SENP1: variants seen among roughly 807,000 people sequenced by gnomAD.
SENP1 encodes the protein sentrin-specific protease 1.
SENP1 carries 21 observed loss-of-function variants against 93.0 expected under a neutral mutation model. The ratio of observed to expected loss-of-function variants is 0.23; its 90% CI spans 0.16 to 0.33. The LOEUF (loss-of-function observed/expected upper bound fraction) is 0.33, where lower values mean the gene tolerates loss of function less well. SENP1 is among the 10% of genes least tolerant of loss of function. The pLI, the probability that SENP1 is intolerant of heterozygous loss-of-function variation, is 1.00. For missense variants in SENP1, 591 were observed against 758.7 expected, an observed-to-expected ratio of 0.78 and a Z score of 2.60; for synonymous variants, 256 against 259.6, an observed-to-expected ratio of 0.99 and a Z score of 0.13.
At chr12:48,086,981 G>T (rs997618880) in intron 5 of SENP1, among the ~76,000 whole-genome samples, 4 of 151,848 alleles carry the variant, frequency 2.6e-5, no homozygotes, top group Non-Finnish European at 5.9e-5. Context: ...GGAGGTTGCA[G>T]TGAGCCGAGA....
rs1400817396 is a variant in SENP1, at chr12:48,058,345, A to T, written c.1407+5365T>A. Among the ~76,000 whole-genome samples, 5 of 152,166 alleles carry T rather than the reference A, an allele frequency of 3.3e-5. 1 individual carries two copies. The highest frequency in any genetic ancestry group is 3.3e-4 in the Admixed American group (5 of 15,282). On this transcript the variant is annotated intron_variant, in intron 13 of 17. Coordinates refer to ENST00000549518, the MANE Select transcript of SENP1 (RefSeq NM_001267594.2). ...TTGACGTAGATAATTTACATTTAAT[A>T]TCAATGTGGTTGAGTTTAAATCTAC...
intron 9 of SENP1, among the ~76,000 whole-genome samples, chr12:48,070,750 A>G (rs1460864189): frequency 6.6e-6 from 1 of 152,204 alleles, no homozygotes; most frequent in Non-Finnish European, 1.5e-5. Flanking sequence ...GAATGATCAG[A>G]CATGAATTCT....
At chr12:48,091,537 T>C (rs1945226814) in intron 4 of SENP1, among the ~76,000 whole-genome samples, 1 of 152,154 alleles carries the variant, frequency 6.6e-6, no homozygotes, top group African/African-American at 2.4e-5. Flanking sequence ...GTTAAAATAA[T>C]AGCAGGATGT....
intron 4 of SENP1, among the ~76,000 whole-genome samples, chr12:48,090,484 T>A (rs530613949): frequency 2.4e-4 from 36 of 152,354 alleles, no homozygotes; most frequent in Admixed American, 1.9e-3. Flanking sequence ...TCAGGCAGTC[T>A]GTTTAAACAG....
At chr12:48,093,677 T>C (rs775512403) in intron 4 of SENP1, among the ~76,000 whole-genome samples, 1 of 150,220 alleles carries the variant, frequency 6.7e-6, no homozygotes, top group African/African-American at 2.5e-5. Context: ...GGACTGTGGA[T>C]GTGCGTATCA....
rs1200682078 is a variant in SENP1 at position 48,044,276 on chromosome 12, T to C, written c.*1046A>G. On this transcript the variant is annotated 3_prime_UTR_variant, in exon 18 of 18. Transcript: ENST00000549518. Reference sequence around the variant, plus strand: ...TCTCTGTGTGCTGGAATTTGGAAAATGGAAATAAATCTACAGGCTAAATGG... The same window carrying C: ...TCTCTGTGTGCTGGAATTTGGAAAACGGAAATAAATCTACAGGCTAAATGG... 1 of 148,354 alleles carries C rather than the reference T, an allele frequency of 6.7e-6. No individual in the cohort carries two copies. The highest frequency in any genetic ancestry group is 1.5e-5 in the Non-Finnish European group (1 of 67,304). The allele number at this position is 148,354 out of a possible 1,614,324, so 9.2% of individuals were successfully genotyped here.
intron 13 of SENP1, among the ~76,000 whole-genome samples, chr12:48,052,757 G>A (rs1941911051): frequency 6.6e-6 from 1 of 152,182 alleles, no homozygotes; most frequent in East Asian, 1.9e-4. Flanking sequence ...CATTTATGGA[G>A]AATAACTACT....
Position 48,046,287 on chromosome 12 carries a change from A to G in SENP1, c.1872+69T>C, listed in dbSNP as rs959576865. On this transcript the variant is annotated intron_variant, in intron 17 of 17. Transcript: ENST00000549518. ...AGGCCCCTAAAGAGAACAACTGGAG[A>G]GAAAAACATCTACAGGGCAGCTTGG... 8.5e-6 allele frequency: 9 copies of G among 1,055,000 alleles called. No individual in the cohort carries two copies. The African/African-American group carries it at 1.4e-4, about 17-fold the overall frequency. 65.4% of individuals were successfully genotyped at this position (1,055,000 alleles called of 1,614,324 possible).
intron 1 of SENP1, chr12:48,105,678 T>C (rs993259220): frequency 2.3e-5 from 10 of 441,350 alleles, no homozygotes; most frequent in Non-Finnish European, 3.0e-5. Flanking sequence ...GACCCAGCTC[T>C]GGCGGGAAAG....
chr12:48,097,142 T>C lies in SENP1; in HGVS notation c.136-715A>G, dbSNP rs931427658. Among the ~76,000 whole-genome samples, 26 of 152,330 alleles carry C rather than the reference T, an allele frequency of 1.7e-4. No individual in the cohort carries two copies. In the East Asian group the frequency reaches 4.0e-3, roughly 24 times the overall value. Reference sequence around the variant, plus strand: ...AAGAATGTTCACTAGAAGGTAAATATGTATTTAGTACATCCTGTCTGAAAG... The same window carrying C: ...AAGAATGTTCACTAGAAGGTAAATACGTATTTAGTACATCCTGTCTGAAAG... On this transcript the variant is annotated intron_variant, in intron 3 of 17. Transcript: ENST00000549518.
In SENP1 at chr12:48,088,672, A is replaced by G. The variant is rs1945040292; in HGVS notation, c.380+129T>C. On this transcript the variant is annotated intron_variant, in intron 5 of 17. Coordinates refer to ENST00000549518, the MANE Select transcript of SENP1 (RefSeq NM_001267594.2). ...GAAAATGTAAAATGGATTTGTTCAT[A>G]TCCTTAAGGTTTAAAGTCCAAAAAT... 23 of 822,712 alleles carry G rather than the reference A, an allele frequency of 2.8e-5. No homozygotes were observed. The East Asian group carries it at 6.2e-4, about 22-fold the overall frequency. The allele number at this position is 822,712 out of a possible 1,614,324, so 51.0% of individuals were successfully genotyped here. A position where few individuals can be genotyped will look rare whatever the true frequency, so the allele number is the denominator to read the frequency against.
chr12:48,103,217 T>C (rs1281380349), intron 1 of SENP1, among the ~76,000 whole-genome samples: 5 of 152,180 alleles, frequency 3.3e-5, no homozygotes, highest in Admixed American at 6.5e-5. Context: ...TTTGTTGGGA[T>C]AGATGTGAAG....
chr12:48,046,808 T>C (rs143849816), intron 16 of SENP1, among the ~76,000 whole-genome samples, 170 bp downstream of exon 16: 1 of 152,186 alleles, frequency 6.6e-6, no homozygotes, highest in African/African-American at 2.4e-5. Flanking sequence ...AGAAACACAC[T>C]ATCACTTTTC....
At position 48,098,110 on chromosome 12, in the gene SENP1, T is replaced by A; in HGVS notation, c.19A>T (p.Arg7Trp). The change falls in exon 3 of 18, where the codon AGG becomes TGG. Residue 7 changes from arginine to tryptophan, a missense_variant. Arg to Trp is a moderately radical substitution (Grantham distance 101). This residue lies in a region of SENP1 where 214 missense variants were observed against 243.4 expected (regional missense o/e 0.88). Coordinates refer to ENST00000549518, the MANE Select transcript of SENP1 (RefSeq NM_001267594.2). The stretch of plus-strand genomic sequence containing the variant: ...ACTTCTCCAGCATCCATCCTCATCC[T>A]ATCAGCAATATCATCTGGGGAGACA... The part of the protein sequence containing the change: MDDIAD[R>W]MRMDAGEVTL... 6.2e-7 allele frequency: 1 copy of A among 1,613,464 alleles called. No individual in the cohort carries two copies. The highest frequency in any genetic ancestry group is 8.5e-7 in the Non-Finnish European group (1 of 1,179,582).
At chr12:48,075,981 T>A (rs1944041171) in intron 6 of SENP1, among the ~76,000 whole-genome samples, 1 of 152,150 alleles carries the variant, frequency 6.6e-6, no homozygotes, top group Non-Finnish European at 1.5e-5. Flanking sequence ...GCTTAATGCG[T>A]TCCAAAAATA....
intron 9 of SENP1, among the ~76,000 whole-genome samples, chr12:48,070,813 C>T (rs564737184): frequency 1.6e-4 from 24 of 152,224 alleles, no homozygotes; most frequent in African/African-American, 5.3e-4. Flanking sequence ...CACAGCAGGC[C>T]GGGTGCAGTG....
intron 5 of SENP1, among the ~76,000 whole-genome samples, chr12:48,087,785 T>C (rs987702841): frequency 6.6e-6 from 1 of 152,192 alleles, no homozygotes; most frequent in Non-Finnish European, 1.5e-5. Context: ...AGCCATCTTG[T>C]TGGCTTCTAT....
intron 15 of SENP1, 30 bp from the exon 16 acceptor site, chr12:48,047,092 C>T: frequency 7.1e-7 from 1 of 1,401,688 alleles, no homozygotes; most frequent in Non-Finnish European, 1.0e-6. Context: ...ATGAGATAAG[C>T]AGTGGGGAAC....
At chr12:48,064,798 TC>T (rs1943186749) in intron 12 of SENP1, among the ~76,000 whole-genome samples, 1 of 152,098 alleles carries the variant, frequency 6.6e-6, no homozygotes, top group Non-Finnish European at 1.5e-5. Context: ...TGCCTCAGCC[TC>T]CTGTGTAGCT....
Sources: gnomAD v4.1 joint callset for allele counts (sites outside exome capture counted in the v4.1 genomes callset) on GRCh38, gnomAD v4.1.1 for gene constraint, gnomAD v4.1.1 regional missense constraint, MANE v1.5 for transcripts, NCBI Gene and HGNC (gene_info 2026-07-23, HGNC 2026-07-21) for gene names.